The following ZNF233 variants were observed in gnomAD, a reference collection of about 807,000 sequenced individuals.
The protein encoded by ZNF233 is zinc finger protein 233.
ZNF233 carries 7 observed loss-of-function variants against 11.6 expected under a neutral mutation model. The observed-to-expected ratio is 0.60, with a 90% CI of 0.34 to 1.13. The LOEUF (loss-of-function observed/expected upper bound fraction) is 1.13. Among genes scored for constraint, ZNF233 ranks in the 50% most tolerant of loss-of-function variants. The probability of loss-of-function intolerance (pLI) is 0.03; values close to 1 mark genes in which losing one functional copy is unlikely to be tolerated. For synonymous variants in ZNF233, 226 were observed against 268.5 expected (o/e 0.84, Z 1.55); for missense variants, 711 against 785.5 (o/e 0.91, Z 1.13).
At chr19:44,261,197 T>C (rs1286314073) in intron 1 of ZNF233, among the ~76,000 whole-genome samples, 2 of 152,108 alleles carry the variant, frequency 1.3e-5, no homozygotes, top group East Asian at 3.9e-4. Flanking sequence ...TCCCACACTT[T>C]GGAAGGCTGA....
intron 3 of ZNF233, 55 bp from the exon 4 acceptor site, chr19:44,266,810 TA>T: frequency 1.5e-6 from 2 of 1,358,364 alleles, no homozygotes; most frequent in Admixed American, 3.9e-5. Flanking sequence ...GTGTTGGAAT[TA>T]AAATTTTTGA....
In ZNF233 at chr19:44,272,997, A is replaced by G. The variant is rs149477661; in HGVS notation, c.337A>G (p.Thr113Ala). The G allele has an allele frequency of 7.4e-4, 1,195 of 1,613,850 alleles. 1 individual carries two copies. Among genetic ancestry groups the G allele is most frequent in the Non-Finnish European group, 9.8e-4 (1,154 of 1,179,994 alleles). ...ATGCTGGCAAATATGGGAACAATTTACAAGTAAATTAACCAGTAATCAAGA... is the reference window on the plus strand; with the variant it reads ...ATGCTGGCAAATATGGGAACAATTTGCAAGTAAATTAACCAGTAATCAAGA... ...LICWQIWEQF[T>A]SKLTSNQDLI... The change falls in exon 5 of 5, where the codon ACA becomes GCA. Residue 113 changes from threonine (T) to alanine (A), a missense_variant. Coordinates refer to ENST00000683810, the MANE Select transcript of ZNF233 (RefSeq NM_001207005.2).
chr19:44,270,054 C>T (rs1975196225), intron 4 of ZNF233, among the ~76,000 whole-genome samples: 1 of 152,114 alleles, frequency 6.6e-6, no homozygotes, highest in Non-Finnish European at 1.5e-5. Context: ...ATCTCACTGT[C>T]TTCACTTCTC....
At chr19:44,264,995 T>C (rs1287753955) in intron 2 of ZNF233, among the ~76,000 whole-genome samples, 1 of 152,200 alleles carries the variant, frequency 6.6e-6, no homozygotes, top group Non-Finnish European at 1.5e-5. Context: ...ATAACAGTTT[T>C]ATATCCCACT....
intron 4 of ZNF233, 116 bp from the exon 5 acceptor site, chr19:44,272,783 T>G: frequency 1.4e-6 from 1 of 707,588 alleles, no homozygotes; most frequent in Non-Finnish European, 2.3e-6. Context: ...CAAGCTGAAC[T>G]CTCCACTGGT....
At chr19:44,268,359 T>G (rs1975149957) in intron 4 of ZNF233, 1 of 152,176 alleles carries the variant, frequency 6.6e-6, no homozygotes, top group South Asian at 2.1e-4. Flanking sequence ...TTTCTTTTTC[T>G]TTTCTTAGAG....
rs1442377959 is a variant in ZNF233, at chr19:44,273,191, G to T, written c.531G>T (p.Arg177Ser). ...NSIKNQELPL[R>S]TTWDFWRKMY... ...TAAAAAATCAAGAGCTTCCATTGAG[G>T]ACCACCTGGGATTTCTGGAGGAAAA... Residue 177 changes from arginine to serine, a missense_variant, in exon 5 of 5, where the codon AGG becomes AGT. By Grantham distance (110) the Arg-to-Ser change is moderately radical (BLOSUM62 -1). Coordinates refer to ENST00000683810, the MANE Select transcript of ZNF233 (RefSeq NM_001207005.2). 6.2e-7 allele frequency: 1 copy of T among 1,613,686 alleles called. No individual in the cohort carries two copies. Among genetic ancestry groups the T allele is most frequent in the East Asian group, 2.2e-5 (1 of 44,870 alleles).
rs146344212 is a variant in ZNF233 at position 44,266,598 on chromosome 19, C to A, written c.143-268C>A. The stretch of plus-strand genomic sequence containing the variant: ...ATAGCTCCTTGTCAGGAACTGCATT[C>A]AGTGCAACGAAAATTGTAAGTAAAA... On this transcript the variant is annotated intron_variant, in intron 3 of 4. Coordinates refer to ENST00000683810, the MANE Select transcript of ZNF233 (RefSeq NM_001207005.2). Among the ~76,000 whole-genome samples the A allele has an allele frequency of 3.8e-3, 585 of 152,184 alleles. 3 individuals are homozygous for A. Among genetic ancestry groups the A allele is most frequent in the African/African-American group, 0.013 (553 of 41,508 alleles).
chr19:44,273,495 C>G lies in ZNF233; in HGVS notation c.835C>G (p.Leu279Val). The G allele has an allele frequency of 6.2e-7, 1 of 1,614,234 alleles. No homozygotes were observed. The highest frequency in any genetic ancestry group is 8.5e-7 in the Non-Finnish European group (1 of 1,180,052). ...VGSNLELHQQ[L>V]HLRDKPHVNV... is the part of the protein sequence containing the mutation. ...CTCTAATCTTGAACTTCACCAGCAA[C>G]TACACTTAAGAGACAAGCCTCATGT... The change falls in exon 5 of 5, where the codon CTA (leucine) becomes GTA (valine). Residue 279 changes from leucine to valine, a missense_variant. Transcript: ENST00000683810.
chr19:44,262,394 G>A (rs201759813), intron 1 of ZNF233, among the ~76,000 whole-genome samples: 2 of 152,216 alleles, frequency 1.3e-5, no homozygotes, highest in East Asian at 3.9e-4. Flanking sequence ...ACAAAGTCTG[G>A]AAATTCAGGC....
rs373998066 is a variant in ZNF233 at position 44,273,962 on chromosome 19, A to G, written c.1302A>G (p.Ile434Met). The G allele has an allele frequency of 1.4e-5, 22 of 1,613,364 alleles. No individual in the cohort carries two copies. The highest frequency in any genetic ancestry group is 1.6e-5 in the Non-Finnish European group (19 of 1,179,718). The change falls in exon 5 of 5, where the codon ATA (isoleucine) becomes ATG (methionine). Residue 434 changes from isoleucine to methionine, a missense_variant. Physicochemically the swap from Ile to Met is conservative, Grantham distance 10. Coordinates refer to ENST00000683810, the MANE Select transcript of ZNF233 (RefSeq NM_001207005.2). ...ACAAATGGGAAGTAAGTGACAGGATATTTAATAGGAATTCTGGTCTTCACC... is the reference window on the plus strand; with the variant it reads ...ACAAATGGGAAGTAAGTGACAGGATGTTTAATAGGAATTCTGGTCTTCACC... ...KTYKWEVSDR[I>M]FNRNSGLHQR... is the part of the protein sequence containing the mutation.
chr19:44,266,025 A>G, intron 2 of ZNF233, 173 bp from the exon 3 acceptor site: 1 of 497,928 alleles, frequency 2.0e-6, no homozygotes, highest in South Asian at 4.0e-5. Flanking sequence ...GTGGAAAAGT[A>G]GTCTATGAGA....
chr19:44,261,863 G>C (rs1335245099), intron 1 of ZNF233, among the ~76,000 whole-genome samples: 3 of 151,968 alleles, frequency 2.0e-5, no homozygotes, highest in African/African-American at 7.3e-5. Flanking sequence ...TGTTGGCCAG[G>C]CTGGTCTCGA....
Position 44,266,163 on chromosome 19 carries a change from C to T in ZNF233, c.16-35C>T, listed in dbSNP as rs374733487. On this transcript the variant is annotated intron_variant, in intron 2 of 4. Transcript: ENST00000683810. ...TGCCTCTCTCCCAGCAGTTATTGGC[C>T]ATAAGATTGAGATTACATCTGCTTG... is the stretch of plus-strand genomic sequence containing the variant. 8 of 1,581,652 alleles carry T rather than the reference C, an allele frequency of 5.1e-6. No homozygotes were observed. The African/African-American group carries it at 1.1e-4, about 22-fold the overall frequency.
chr19:44,261,103 G>A (rs1281190559), intron 1 of ZNF233, among the ~76,000 whole-genome samples: 2 of 152,170 alleles, frequency 1.3e-5, no homozygotes, highest in Non-Finnish European at 2.9e-5. Context: ...AGCTCAGGCA[G>A]AGTGGGTTCT....
At chr19:44,266,009 G>T in intron 2 of ZNF233, 189 bp from the exon 3 acceptor site, 1 of 420,202 alleles carries the variant, frequency 2.4e-6, no homozygotes, top group South Asian at 4.8e-5. Flanking sequence ...CACTTTTGAT[G>T]TGACTGTGGA....
chr19:44,268,931 C>CA, intron 4 of ZNF233, among the ~76,000 whole-genome samples: 1 of 152,134 alleles, frequency 6.6e-6, no homozygotes, highest in East Asian at 1.9e-4. Flanking sequence ...ATTAAACAAA[C>CA]AAAAAAAGCA....
In ZNF233 at chr19:44,273,651, C is replaced by T. The variant is rs753294414; in HGVS notation, c.991C>T (p.Pro331Ser). 2 of 1,614,004 alleles carry T rather than the reference C, an allele frequency of 1.2e-6. No homozygotes were observed. The highest frequency in any genetic ancestry group is 2.7e-5 in the African/African-American group (2 of 74,998). ...EGFSQGSHLQ[P>S]HQRVSTGENL... ...CTTCAGTCAGGGCTCACATCTGCAA[C>T]CTCATCAGAGAGTCAGCACAGGAGA... Residue 331 changes from proline to serine, a missense_variant, in exon 5 of 5, where the codon CCT becomes TCT. Pro to Ser is a moderately conservative substitution (Grantham distance 74, BLOSUM62 -1). Transcript: ENST00000683810.
intron 4 of ZNF233, chr19:44,267,170 G>A (rs545266526): frequency 8.5e-4 from 373 of 436,402 alleles, no homozygotes; most frequent in Non-Finnish European, 1.3e-3. Context: ...TCGCTCCTTG[G>A]CTCAAAAGCC....
Sources: allele counts gnomAD v4.1 joint callset (sites outside exome capture counted in the v4.1 genomes callset), GRCh38; gene constraint gnomAD v4.1.1; transcripts MANE v1.5; gene names NCBI Gene and HGNC (gene_info 2026-07-23, HGNC 2026-07-21).